Variants in SLC1A2 observed in about 807,000 individuals in gnomAD.
SLC1A2 encodes excitatory amino acid transporter 2.
SLC1A2 carries 15 observed loss-of-function variants against 48.8 expected under a neutral mutation model. The observed-to-expected ratio is 0.31, with a 90% confidence interval of 0.21 to 0.47. SLC1A2 has a LOEUF of 0.47. SLC1A2 is among the 20% of genes least tolerant of loss of function. SLC1A2 has a pLI of 0.99. For missense variants in SLC1A2, 502 were observed against 730.5 expected (o/e 0.69, Z 3.61); for synonymous variants, 279 against 272.6 (o/e 1.02, Z -0.23).
At chr11:35,409,647 G>A (rs1043986728) in intron 1 of SLC1A2, among the ~76,000 whole-genome samples, 7 of 152,154 alleles carry the variant, frequency 4.6e-5, no homozygotes, top group African/African-American at 1.2e-4. Flanking sequence ...GGTGGTTCAC[G>A]CCTATAATCT....
chr11:35,311,320 C>T (rs558159085), intron 4 of SLC1A2, among the ~76,000 whole-genome samples: 28 of 152,212 alleles, frequency 1.8e-4, no homozygotes, highest in East Asian at 7.7e-4. Context: ...CCACCACACC[C>T]GGCTAATTTT....
chr11:35,356,224 T>G (rs1437295321), intron 1 of SLC1A2, among the ~76,000 whole-genome samples: 1 of 152,326 alleles, frequency 6.6e-6, no homozygotes, highest in Non-Finnish European at 1.5e-5. Flanking sequence ...CCCCATGATG[T>G]TTTTTTCCAA....
chr11:35,312,105 T>C (rs1454047075), intron 4 of SLC1A2, 93 bp downstream of exon 4: 2 of 1,297,404 alleles, frequency 1.5e-6, no homozygotes, highest in Non-Finnish European at 2.2e-6. Flanking sequence ...TTAGAAAATT[T>C]CTACCCAGAG....
At chr11:35,351,601 A>G (rs141490267) in intron 1 of SLC1A2, among the ~76,000 whole-genome samples, 3 of 152,232 alleles carry the variant, frequency 2.0e-5, no homozygotes, top group African/African-American at 7.2e-5. Context: ...AAAACTGCAG[A>G]TATACTCTGA....
At chr11:35,276,111 T>C (rs1850432130) in intron 9 of SLC1A2, among the ~76,000 whole-genome samples, 1 of 152,192 alleles carries the variant, frequency 6.6e-6, no homozygotes, top group African/African-American at 2.4e-5. Context: ...AGCAGAATTC[T>C]ACTCTAGGTC....
chr11:35,292,593 C>T (rs1851046335), intron 6 of SLC1A2, 73 bp from the exon 7 acceptor site: 4 of 827,670 alleles, frequency 4.8e-6, no homozygotes, highest in East Asian at 2.5e-5. Context: ...TCCTCTGTAC[C>T]GCACACTGAG....
chr11:35,340,553 C>T (rs1852800474), intron 1 of SLC1A2, among the ~76,000 whole-genome samples: 1 of 152,222 alleles, frequency 6.6e-6, no homozygotes, highest in South Asian at 2.1e-4. Context: ...CCCTTTCTAG[C>T]TGTATGATCC....
chr11:35,387,184 C>T (rs1487993215), intron 1 of SLC1A2, among the ~76,000 whole-genome samples: 1 of 152,114 alleles, frequency 6.6e-6, no homozygotes, highest in Non-Finnish European at 1.5e-5. Flanking sequence ...AAGATGGCTG[C>T]CTTAATGTGT....
intron 9 of SLC1A2, among the ~76,000 whole-genome samples, chr11:35,272,437 T>A (rs1850305255): frequency 6.6e-6 from 1 of 152,222 alleles, no homozygotes; most frequent in African/African-American, 2.4e-5. Flanking sequence ...ATTCCCAGGA[T>A]GCCCAGCCAG....
In SLC1A2 at chr11:35,419,129, C is replaced by A. The variant is rs1176191443; in HGVS notation, c.-163G>T. ...CGGGGTAAGCCCTTTAGCGCCTCAA[C>A]GGGCGCAGGAGGCTCCTGCGGGCGC... is the stretch of plus-strand genomic sequence containing the variant. On this transcript the variant is annotated 5_prime_UTR_variant, in exon 1 of 11. Coordinates refer to ENST00000278379, the MANE Select transcript of SLC1A2 (RefSeq NM_004171.4). This position sits in a 1 kb window ranked among gnomAD's most constrained non-coding sequence, Gnocchi z 5.4. 5.5e-6 allele frequency: 3 copies of A among 543,606 alleles called. No homozygotes were observed. Among genetic ancestry groups the A allele is most frequent in the Admixed American group, 7.8e-5 (2 of 25,656 alleles). 33.7% of individuals were successfully genotyped at this position (543,606 alleles called of 1,614,324 possible). A position where few individuals can be genotyped will look rare whatever the true frequency, so the allele number is the denominator to read the frequency against.
At chr11:35,407,656 G>A (rs1175538634) in intron 1 of SLC1A2, among the ~76,000 whole-genome samples, 1 of 152,202 alleles carries the variant, frequency 6.6e-6, no homozygotes, top group African/African-American at 2.4e-5. Context: ...GCCAATGATG[G>A]CCTTGAAATT....
intron 1 of SLC1A2, among the ~76,000 whole-genome samples, chr11:35,418,092 T>C (rs1247718496): frequency 6.6e-6 from 1 of 152,232 alleles, no homozygotes; most frequent in Non-Finnish European, 1.5e-5. Flanking sequence ...AAAAGTTTTC[T>C]GGGAGATACT....
intron 1 of SLC1A2, among the ~76,000 whole-genome samples, chr11:35,381,729 C>T (rs939854671): frequency 5.9e-5 from 9 of 152,222 alleles, no homozygotes; most frequent in African/African-American, 2.2e-4. Flanking sequence ...CCTCAGAAGA[C>T]AGGCGGGAAA....
intron 1 of SLC1A2, among the ~76,000 whole-genome samples, chr11:35,321,258 C>T (rs1253739039): frequency 6.6e-6 from 1 of 152,094 alleles, no homozygotes; most frequent in African/African-American, 2.4e-5. Flanking sequence ...ATTATGGGAG[C>T]TCCAATTCAA....
intron 1 of SLC1A2, among the ~76,000 whole-genome samples, chr11:35,376,625 G>A (rs1854240291): frequency 6.6e-6 from 1 of 152,110 alleles, no homozygotes; most frequent in African/African-American, 2.4e-5. Context: ...CTTTATAATT[G>A]TAACCAAATT....
rs752205568 is a variant in SLC1A2 at position 35,265,451 on chromosome 11, C to CA, written c.1653+75_1653+76insT. The CA allele has an allele frequency of 5.5e-6, 4 of 722,396 alleles. No homozygotes were observed. In the Admixed American group the frequency reaches 7.4e-5, roughly 13 times the overall value. 44.7% of individuals were successfully genotyped at this position (722,396 alleles called of 1,614,324 possible). ...TGACAATAATACATGCAGGGCTTTACGGTTTTTTTTTTTTTAAAGAAATCA... is the reference window on the plus strand; with the variant it reads ...TGACAATAATACATGCAGGGCTTTACAGGTTTTTTTTTTTTTAAAGAAATCA... On this transcript the variant is annotated intron_variant, in intron 10 of 10. Coordinates refer to ENST00000278379, the MANE Select transcript of SLC1A2 (RefSeq NM_004171.4).
At chr11:35,349,495 T>G (rs1853163316) in intron 1 of SLC1A2, among the ~76,000 whole-genome samples, 1 of 152,164 alleles carries the variant, frequency 6.6e-6, no homozygotes, top group African/African-American at 2.4e-5. Flanking sequence ...CTTCCTCATC[T>G]CAGACCCACT....
chr11:35,333,845 T>A (rs984328388), intron 1 of SLC1A2, among the ~76,000 whole-genome samples: 3 of 127,420 alleles, frequency 2.4e-5, no homozygotes, highest in Non-Finnish European at 1.7e-5. Flanking sequence ...TTTTTTTTTT[T>A]TTTTTGTATT....
intron 4 of SLC1A2, among the ~76,000 whole-genome samples, chr11:35,306,693 C>A (rs971472580): frequency 6.6e-6 from 1 of 152,128 alleles, no homozygotes. Flanking sequence ...CCTTTCCCCC[C>A]ACTCACCCTT....
Sources: gnomAD v4.1 joint callset for allele counts (sites outside exome capture counted in the v4.1 genomes callset) on GRCh38, gnomAD v4.1.1 for gene constraint, Gnocchi (gnomAD v3.1) non-coding constraint, MANE v1.5 for transcripts, NCBI Gene and HGNC (gene_info 2026-07-23, HGNC 2026-07-21) for gene names.